The following COL9A1 variants were observed in gnomAD, a reference collection of about 807,000 sequenced individuals.
COL9A1 encodes the protein collagen type IX alpha 1 chain.
A neutral mutation model predicts 142.6 loss-of-function variants in COL9A1; 104 were observed. That is an observed-to-expected ratio of 0.73 (90% CI 0.62 to 0.86). The LOEUF (loss-of-function observed/expected upper bound fraction) is 0.86. Ranked by LOEUF, COL9A1 falls within the 40% of genes least tolerant of loss-of-function variation. COL9A1 has a pLI of 0.00. For missense variants in COL9A1, 1,210 were observed against 1,176.6 expected, an observed-to-expected ratio of 1.03 and a Z score of -0.42; for synonymous variants, 466 against 396.0, an observed-to-expected ratio of 1.18 and a Z score of -2.10.
rs987854679 is a variant in COL9A1, at chr6:70,216,665, T to C, written c.*232A>G. On this transcript the variant is annotated 3_prime_UTR_variant, in exon 38 of 38. Coordinates refer to ENST00000357250, the MANE Select transcript of COL9A1 (RefSeq NM_001851.6). Reference sequence around the variant, plus strand: ...AGGTGTTTGGTTTTCTTTTTTTTTTTTTAACTGATGACTCTGCTGTCTTCC... The same window carrying C: ...AGGTGTTTGGTTTTCTTTTTTTTTTCTTAACTGATGACTCTGCTGTCTTCC... The C allele has an allele frequency of 8.8e-6, 5 of 565,032 alleles. No homozygotes were observed. Among genetic ancestry groups the C allele is most frequent in the Non-Finnish European group, 1.6e-5 (5 of 316,382 alleles). The allele number at this position is 565,032 out of a possible 1,614,324, so 35.0% of individuals were successfully genotyped here. A position where few individuals can be genotyped will look rare whatever the true frequency, so the allele number is the denominator to read the frequency against.
intron 20 of COL9A1, among the ~76,000 whole-genome samples, chr6:70,257,951 C>T (rs1329762406): frequency 6.6e-6 from 1 of 152,176 alleles, no homozygotes; most frequent in Admixed American, 6.5e-5. Flanking sequence ...CCATCCTGGA[C>T]AGATATTAGG....
intron 10 of COL9A1, chr6:70,280,361 A>C: frequency 1.7e-6 from 2 of 1,176,846 alleles, no homozygotes; most frequent in Non-Finnish European, 2.1e-6. Context: ...GCCTACCTGC[A>C]GGATCTTTTT....
chr6:70,239,386 C>G (rs1198121783), intron 32 of COL9A1, 100 bp from the exon 33 acceptor site: 6 of 846,988 alleles, frequency 7.1e-6, no homozygotes, highest in Non-Finnish European at 1.2e-5. Flanking sequence ...ATACGGAAAA[C>G]CATGAACAGA....
chr6:70,266,028 G>A (rs1166757062), intron 18 of COL9A1, among the ~76,000 whole-genome samples: 2 of 152,114 alleles, frequency 1.3e-5, no homozygotes, highest in African/African-American at 4.8e-5. Context: ...AATTTACCAA[G>A]AGAAAACCTA....
chr6:70,244,243 A>G, intron 28 of COL9A1, among the ~76,000 whole-genome samples: 1 of 152,260 alleles, frequency 6.6e-6, no homozygotes, highest in East Asian at 1.9e-4. Context: ...TGTGTCTGGT[A>G]TATGACTTTG....
intron 32 of COL9A1, 136 bp downstream of exon 32, chr6:70,240,553 A>G: frequency 2.3e-6 from 1 of 431,358 alleles, no homozygotes; most frequent in Non-Finnish European, 4.1e-6. Context: ...GAAGGCAGTG[A>G]GGATAACAGT....
chr6:70,236,322 TAA>T, intron 33 of COL9A1, among the ~76,000 whole-genome samples: 1 of 152,118 alleles, frequency 6.6e-6, no homozygotes, highest in East Asian at 1.9e-4. Context: ...ATAAATGTTT[TAA>T]AAAGAGACCA....
chr6:70,246,286 G>A (rs1770605413), intron 28 of COL9A1: 1 of 152,138 alleles, frequency 6.6e-6, no homozygotes, highest in Admixed American at 6.5e-5. Context: ...CTTGAAACTG[G>A]GAGATGGAGG....
chr6:70,302,012 T>C lies in COL9A1; in HGVS notation c.77A>G (p.Lys26Arg), dbSNP rs1774083146. 12 of 1,611,188 alleles carry C rather than the reference T, an allele frequency of 7.4e-6. No homozygotes were observed. The highest frequency in any genetic ancestry group is 1.0e-5 in the Non-Finnish European group (12 of 1,178,846). ...ACTATGGCCCTTACTGGGGCGACGCTTGACAGCTGCAGATGCCCAGGGTTC... is the reference window on the plus strand; with the variant it reads ...ACTATGGCCCTTACTGGGGCGACGCCTGACAGCTGCAGATGCCCAGGGTTC... ...FLEPWASAAV[K>R]RRPRFPVNSN... The change falls in exon 2 of 38, where the codon AAG (lysine) becomes AGG (arginine). Residue 26 changes from lysine (K) to arginine (R), a missense_variant. By Grantham distance (26) the Lys-to-Arg change is conservative. Transcript: ENST00000357250.
rs116961786 is a variant in COL9A1 at position 70,244,783 on chromosome 6, G to A, written c.1873-2068C>T. 1.2e-3 allele frequency among the ~76,000 whole-genome samples: 179 copies of A among 151,760 alleles called. 4 individuals are homozygous for A. The East Asian group carries it at 0.029, about 25-fold the overall frequency. ...AATTATCTTCCCAGTGAATAACAAA[G>A]ATTTTCTCTGCTGGACTCTTATTTT... On this transcript the variant is annotated intron_variant, in intron 28 of 37. Transcript: ENST00000357250.
chr6:70,282,338 C>A (rs1333339662), intron 7 of COL9A1, among the ~76,000 whole-genome samples: 3 of 152,130 alleles, frequency 2.0e-5, no homozygotes, highest in African/African-American at 7.3e-5. Context: ...TGGGCTTATG[C>A]GCCCCCGCCG....
intron 5 of COL9A1, among the ~76,000 whole-genome samples, chr6:70,293,000 A>T (rs1773710744): frequency 1.3e-5 from 2 of 152,214 alleles, no homozygotes; most frequent in Non-Finnish European, 2.9e-5. Context: ...GAAATTTCAC[A>T]CTACCCTTCA....
intron 20 of COL9A1, among the ~76,000 whole-genome samples, chr6:70,259,544 C>T (rs1402311866): frequency 1.3e-5 from 2 of 152,144 alleles, no homozygotes; most frequent in Admixed American, 6.5e-5. Flanking sequence ...GATAATCACT[C>T]AGCTAAACAT....
At chr6:70,260,823 C>A in intron 19 of COL9A1, 113 bp from the exon 20 acceptor site, 1 of 905,664 alleles carries the variant, frequency 1.1e-6, no homozygotes, top group Non-Finnish European at 1.8e-6. Flanking sequence ...AAGGTAATAC[C>A]AAGAAATAGT....
intron 4 of COL9A1, among the ~76,000 whole-genome samples, chr6:70,298,068 G>A (rs987768609): frequency 5.3e-5 from 8 of 152,140 alleles, no homozygotes; most frequent in Non-Finnish European, 1.2e-4. Flanking sequence ...TCGTATGGCC[G>A]AGAGCAATTC....
intron 10 of COL9A1, among the ~76,000 whole-genome samples, chr6:70,278,095 C>G (rs926872276): frequency 6.6e-6 from 1 of 152,112 alleles, no homozygotes; most frequent in Non-Finnish European, 1.5e-5. Flanking sequence ...CCTCATGTGG[C>G]TTAAATTCAA....
chr6:70,255,727 T>C (rs1447434059), intron 21 of COL9A1, among the ~76,000 whole-genome samples: 4 of 152,208 alleles, frequency 2.6e-5, no homozygotes, highest in South Asian at 4.1e-4. Flanking sequence ...TTGACTGTTA[T>C]AGAGGTTTGA....
In COL9A1 at chr6:70,283,754, G is replaced by C. The variant is rs780159284; in HGVS notation, c.763C>G (p.Leu255Val). The C allele has an allele frequency of 2.5e-6, 4 of 1,611,694 alleles. No homozygotes were observed. The highest frequency in any genetic ancestry group is 1.7e-4 in the Middle Eastern group (1 of 6,056). ...LRPRRETCHE[L>V]PARITPSQTT... Reference sequence around the variant, plus strand: ...GGACTCACCGTTATTCTGGCTGGCAGCTCATGGCAAGTTTCTCTCCTGGGC... The same window carrying C: ...GGACTCACCGTTATTCTGGCTGGCACCTCATGGCAAGTTTCTCTCCTGGGC... The change falls in exon 6 of 38, where the codon CTG becomes GTG. Residue 255 changes from leucine to valine, a missense_variant. Transcript: ENST00000357250.
chr6:70,237,175 C>T (rs894881623), intron 33 of COL9A1, among the ~76,000 whole-genome samples: 1 of 152,112 alleles, frequency 6.6e-6, no homozygotes, highest in Non-Finnish European at 1.5e-5. Context: ...CAGAAATATA[C>T]TGAAGAACTG....
Sources: allele counts gnomAD v4.1 joint callset (sites outside exome capture counted in the v4.1 genomes callset), GRCh38; gene constraint gnomAD v4.1.1; transcripts MANE v1.5; gene names NCBI Gene and HGNC (gene_info 2026-07-23, HGNC 2026-07-21).